Variants in SNAP23 observed in about 807,000 individuals in gnomAD.
SNAP23 encodes synaptosomal-associated protein 23.
A neutral mutation model predicts 29.0 loss-of-function variants in SNAP23; 11 were observed. The ratio of observed to expected loss-of-function variants is 0.38; its 90% CI spans 0.24 to 0.63. The LOEUF is 0.63. Ranked by LOEUF, SNAP23 falls within the 20% of genes least tolerant of loss-of-function variation. The pLI is 0.58. For missense variants in SNAP23, 220 were observed against 253.9 expected (o/e 0.87, Z 0.91); for synonymous variants, 60 against 82.9 (o/e 0.72, Z 1.50).
At position 42,529,664 on chromosome 15, in the gene SNAP23, T is replaced by G; in HGVS notation, c.426-11T>G. Reference sequence around the variant, plus strand: ...ACAAAACCTATGGAATTAACTGTCTTCTTGTGATAGCATAACTAATGATGC... The same window carrying G: ...ACAAAACCTATGGAATTAACTGTCTGCTTGTGATAGCATAACTAATGATGC... On this transcript the variant is annotated splice_polypyrimidine_tract_variant and intron_variant, in intron 6 of 7. Transcript: ENST00000249647. The G allele has an allele frequency of 6.2e-7, 1 of 1,611,944 alleles. No individual in the cohort carries two copies. The highest frequency in any genetic ancestry group is 1.3e-5 in the African/African-American group (1 of 74,910).
At chr15:42,499,072 CT>C (rs35615383) in intron 1 of SNAP23, among the ~76,000 whole-genome samples, 3,353 of 142,104 alleles carry the variant, frequency 0.024, 46 homozygotes, top group Middle Eastern at 0.049. Context: ...AAGGTCACAT[CT>C]TTTTTTTTTT....
At chr15:42,523,214 A>G (rs971038565) in intron 5 of SNAP23, among the ~76,000 whole-genome samples, 3 of 152,038 alleles carry the variant, frequency 2.0e-5, no homozygotes, top group African/African-American at 7.2e-5. Flanking sequence ...AGACTATTAG[A>G]CCACTCAGAA....
At chr15:42,506,979 A>C (rs1263411370) in intron 1 of SNAP23, among the ~76,000 whole-genome samples, 4 of 151,936 alleles carry the variant, frequency 2.6e-5, no homozygotes, top group Admixed American at 2.6e-4. Flanking sequence ...CCCCATGCCC[A>C]GCTAATTTTT....
In SNAP23 at chr15:42,531,717, T is replaced by C. The variant is rs2057567645; in HGVS notation, c.*239T>C. 1 of 362,072 alleles carries C rather than the reference T, an allele frequency of 2.8e-6. No individual in the cohort carries two copies. Among genetic ancestry groups the C allele is most frequent in the Non-Finnish European group, 4.9e-6 (1 of 202,080 alleles). The allele number at this position is 362,072 out of a possible 1,614,324, so 22.4% of individuals were successfully genotyped here. ...TCATACGCTTAGATTGGTTTTCATA[T>C]GTCATGTTTAGTGTTTTCATCCTCC... On this transcript the variant is annotated 3_prime_UTR_variant, in exon 8 of 8. Coordinates refer to ENST00000249647, the MANE Select transcript of SNAP23 (RefSeq NM_003825.4).
chr15:42,499,214 A>G (rs545532465), intron 1 of SNAP23, among the ~76,000 whole-genome samples: 2 of 152,060 alleles, frequency 1.3e-5, no homozygotes, highest in African/African-American at 4.8e-5. Context: ...GATTACAGGC[A>G]GGCGCCACCA....
At position 42,511,822 on chromosome 15, in the gene SNAP23, G is replaced by T. The variant is rs770587678; in HGVS notation, c.-14-11G>T. ...ATACAATATCCACATTTCCATTTCTGTGCCTAATAGAGTTTTGATTCATCA... is the reference window on the plus strand; with the variant it reads ...ATACAATATCCACATTTCCATTTCTTTGCCTAATAGAGTTTTGATTCATCA... On this transcript the variant is annotated splice_polypyrimidine_tract_variant and intron_variant, in intron 1 of 7. Coordinates refer to ENST00000249647, the MANE Select transcript of SNAP23 (RefSeq NM_003825.4). 6.6e-7 allele frequency: 1 copy of T among 1,523,614 alleles called. No homozygotes were observed. The highest frequency in any genetic ancestry group is 1.8e-5 in the Admixed American group (1 of 54,182). 94.4% of individuals were successfully genotyped at this position (1,523,614 alleles called of 1,614,324 possible).
At chr15:42,524,381 G>A (rs2057477459) in intron 5 of SNAP23, among the ~76,000 whole-genome samples, 1 of 152,104 alleles carries the variant, frequency 6.6e-6, no homozygotes, top group Non-Finnish European at 1.5e-5. Context: ...AACCCCCCCA[G>A]CCATGGACCA....
At chr15:42,498,589 G>A (rs1325261295) in intron 1 of SNAP23, among the ~76,000 whole-genome samples, 1 of 152,174 alleles carries the variant, frequency 6.6e-6, no homozygotes, top group East Asian at 1.9e-4. Flanking sequence ...CTGCCATGAA[G>A]ATCTCTGATA....
At chr15:42,505,149 A>G (rs2057306738) in intron 1 of SNAP23, 2 of 151,200 alleles carry the variant, frequency 1.3e-5, no homozygotes, top group South Asian at 4.2e-4. Flanking sequence ...CCCAGGCTGG[A>G]GTGCAGTGAG....
chr15:42,499,747 A>G (rs1166824049), intron 1 of SNAP23, among the ~76,000 whole-genome samples: 3 of 152,214 alleles, frequency 2.0e-5, no homozygotes, highest in Non-Finnish European at 4.4e-5. Flanking sequence ...CATTTTTAAA[A>G]TGAAGATTGA....
intron 5 of SNAP23, among the ~76,000 whole-genome samples, chr15:42,525,984 T>C (rs1262268192): frequency 6.6e-6 from 1 of 152,178 alleles, no homozygotes; most frequent in Non-Finnish European, 1.5e-5. Context: ...TGCATATATA[T>C]TCCTTAATAG....
intron 3 of SNAP23, 58 bp from the exon 4 acceptor site, chr15:42,513,338 TTTG>T: frequency 6.9e-7 from 1 of 1,447,224 alleles, no homozygotes; most frequent in East Asian, 2.3e-5. Context: ...TCTTGTAGGT[TTTG>T]TTTCTGTTGT....
chr15:42,511,291 G>A (rs986492139), intron 1 of SNAP23, among the ~76,000 whole-genome samples: 3 of 152,076 alleles, frequency 2.0e-5, no homozygotes, highest in Non-Finnish European at 2.9e-5. Flanking sequence ...AGTCTTTTCC[G>A]AGCTGTTTGT....
At chr15:42,499,215 G>T (rs1009397505) in intron 1 of SNAP23, among the ~76,000 whole-genome samples, 5 of 151,872 alleles carry the variant, frequency 3.3e-5, no homozygotes, top group Non-Finnish European at 5.9e-5. Flanking sequence ...ATTACAGGCA[G>T]GCGCCACCAT....
intron 5 of SNAP23, 166 bp from the exon 6 acceptor site, chr15:42,528,096 C>T (rs368445027): frequency 3.6e-6 from 2 of 562,576 alleles, no homozygotes; most frequent in African/African-American, 1.9e-5. Flanking sequence ...TCATCTATTT[C>T]CTATTCCATA....
upstream of SNAP23, among the ~76,000 whole-genome samples, chr15:42,495,071 A>C (rs552376422): frequency 6.6e-6 from 1 of 152,178 alleles, no homozygotes; most frequent in Non-Finnish European, 1.5e-5. Flanking sequence ...AGGATGAACT[A>C]CTAGAAATTT....
chr15:42,497,971 C>T (rs60285238), intron 1 of SNAP23, among the ~76,000 whole-genome samples: 2,071 of 152,300 alleles, frequency 0.014, 58 homozygotes, highest in African/African-American at 0.048. Flanking sequence ...TTTTAATCTC[C>T]TTAGACTCCA....
upstream of SNAP23, among the ~76,000 whole-genome samples, chr15:42,493,152 G>T (rs1357628565): frequency 6.6e-6 from 1 of 152,016 alleles, no homozygotes; most frequent in East Asian, 1.9e-4. Flanking sequence ...GACCAGCCTG[G>T]GTGACATGGT....
intron 5 of SNAP23, among the ~76,000 whole-genome samples, chr15:42,520,646 C>T (rs1402387126): frequency 6.6e-6 from 1 of 152,138 alleles, no homozygotes; most frequent in Admixed American, 6.6e-5. Flanking sequence ...AGGCGCCCGC[C>T]ACCACACCTG....
Sources: gnomAD v4.1 joint callset for allele counts (sites outside exome capture counted in the v4.1 genomes callset) on GRCh38, gnomAD v4.1.1 for gene constraint, MANE v1.5 for transcripts, NCBI Gene and HGNC (gene_info 2026-07-23, HGNC 2026-07-21) for gene names.